NUP214: variants seen among roughly 807,000 people sequenced by gnomAD.
NUP214 encodes the protein nuclear pore complex protein Nup214.
NUP214 carries 79 observed loss-of-function variants against 196.2 expected under a neutral mutation model. The observed-to-expected ratio is 0.40, with a 90% CI of 0.34 to 0.49. The LOEUF (loss-of-function observed/expected upper bound fraction) is 0.49. NUP214 is among the 20% of genes least tolerant of loss of function. The pLI, the probability that NUP214 is intolerant of heterozygous loss-of-function variation, is 0.58. For synonymous variants in NUP214, 1,020 were observed against 990.5 expected (o/e 1.03, Z -0.56); for missense variants, 2,468 against 2,539.0 (o/e 0.97, Z 0.60).
chr9:131,192,293 G>A lies in NUP214; in HGVS notation c.3659+1G>A. 1.3e-6 allele frequency: 2 copies of A among 1,583,374 alleles called. No homozygotes were observed. Among genetic ancestry groups the A allele is most frequent in the East Asian group, 2.3e-5 (1 of 43,972 alleles). On this transcript the variant is annotated splice_donor_variant, in intron 27 of 35. Transcript: ENST00000359428. LOFTEE classifies it high-confidence loss of function. ...AGCCTTTCTCATTTTCTCCATCAGG[G>A]TCAGTAATGAACTTAAGTTTTATGG...
intron 23 of NUP214, 124 bp downstream of exon 23, chr9:131,175,745 G>A: frequency 7.4e-7 from 1 of 1,343,036 alleles, no homozygotes; most frequent in South Asian, 1.6e-5. Flanking sequence ...GAAGATTGAT[G>A]TGACAGCCCT....
chr9:131,163,804 G>A, intron 19 of NUP214, 66 bp from the exon 20 acceptor site: 2 of 1,131,608 alleles, frequency 1.8e-6, no homozygotes, highest in Non-Finnish European at 2.7e-6. Flanking sequence ...AGAGGATAGT[G>A]TACCCCCGAC....
intron 12 of NUP214, among the ~76,000 whole-genome samples, chr9:131,145,402 A>G (rs1485373622): frequency 2.0e-5 from 3 of 152,136 alleles, no homozygotes; most frequent in Non-Finnish European, 2.9e-5. Context: ...GATAACCATG[A>G]GTTCCCAAGA....
chr9:131,189,216 C>G (rs983205256), intron 26 of NUP214, 85 bp downstream of exon 26: 9 of 1,089,800 alleles, frequency 8.3e-6, no homozygotes, highest in Non-Finnish European at 1.3e-5. Flanking sequence ...AGACAGTTGC[C>G]ATAGGAAACA....
At position 131,159,432 on chromosome 9, in the gene NUP214, A is replaced by T. The variant is rs202147449; in HGVS notation, c.2486A>T (p.Asn829Ile). 1.9e-6 allele frequency: 3 copies of T among 1,614,204 alleles called. No individual in the cohort carries two copies. The highest frequency in any genetic ancestry group is 1.7e-6 in the Non-Finnish European group (2 of 1,180,034). ...GTGAAATTTGCTGTCCAAGATGTGA[A>T]TGATGTTCTAGACTTGGAGTGGGAT... Reference protein sequence around the residue: ...QYVKFAVQDVNDVLDLEWDQH... With the variant: ...QYVKFAVQDVIDVLDLEWDQH... Residue 829 changes from asparagine (N) to isoleucine (I), a missense_variant, in exon 18 of 36, where the codon AAT becomes ATT. Asn to Ile is a moderately radical substitution (Grantham distance 149, BLOSUM62 -3). This residue lies in a region of NUP214 where 1,801 missense variants were observed against 1,779.4 expected (regional missense o/e 1.01). Coordinates refer to ENST00000359428, the MANE Select transcript of NUP214 (RefSeq NM_005085.4).
chr9:131,183,924 C>G (rs1771126140), intron 24 of NUP214, among the ~76,000 whole-genome samples: 1 of 151,374 alleles, frequency 6.6e-6, no homozygotes, highest in Non-Finnish European at 1.5e-5. Context: ...AAATTTGTAA[C>G]CTTTTCAGCT....
rs533633124 is a variant in NUP214, at chr9:131,130,921, C to T, written c.663+85C>T. ...TTTGGGAGTATCTTTCTTGTTTTTCCTATTAAAAAGTAATTTATACTCATT... is the reference window on the plus strand; with the variant it reads ...TTTGGGAGTATCTTTCTTGTTTTTCTTATTAAAAAGTAATTTATACTCATT... On this transcript the variant is annotated intron_variant, in intron 5 of 35. Transcript: ENST00000359428. 2.8e-4 allele frequency: 302 copies of T among 1,083,192 alleles called. 1 individual carries two copies. Among genetic ancestry groups the T allele is most frequent in the Non-Finnish European group, 3.3e-4 (236 of 722,658 alleles). The allele number at this position is 1,083,192 out of a possible 1,614,324, so 67.1% of individuals were successfully genotyped here.
At position 131,230,787 on chromosome 9, in the gene NUP214, C is replaced by T. The variant is rs1198430654; in HGVS notation, c.6214+18C>T. Reference sequence around the variant, plus strand: ...CACAGGAGGTAAGCTGCCACAAGTTCTCCCCTCACAAGCAAAATGGGTCCC... The same window carrying T: ...CACAGGAGGTAAGCTGCCACAAGTTTTCCCCTCACAAGCAAAATGGGTCCC... On this transcript the variant is annotated intron_variant, in intron 34 of 35. Transcript: ENST00000359428. 1 of 1,609,496 alleles carries T rather than the reference C, an allele frequency of 6.2e-7. No individual in the cohort carries two copies. Among genetic ancestry groups the T allele is most frequent in the East Asian group, 2.2e-5 (1 of 44,828 alleles).
chr9:131,132,482 C>A, intron 5 of NUP214, 114 bp from the exon 6 acceptor site: 1 of 885,710 alleles, frequency 1.1e-6, no homozygotes, highest in Non-Finnish European at 1.8e-6. Context: ...TCAGTCTCTC[C>A]CGGCCAAGGA....
chr9:131,169,119 G>A (rs1459781634), intron 21 of NUP214, among the ~76,000 whole-genome samples: 2 of 140,178 alleles, frequency 1.4e-5, no homozygotes, highest in Non-Finnish European at 3.0e-5. Flanking sequence ...TGCAACCTCT[G>A]CCTCCTGGGT....
chr9:131,205,464 G>A (rs1331391322), intron 30 of NUP214, among the ~76,000 whole-genome samples: 1 of 152,044 alleles, frequency 6.6e-6, no homozygotes, highest in Non-Finnish European at 1.5e-5. Flanking sequence ...ATCCCTCTTG[G>A]CCCAGCAAAT....
At chr9:131,213,022 T>A (rs1209313733) in intron 30 of NUP214, among the ~76,000 whole-genome samples, 2 of 152,224 alleles carry the variant, frequency 1.3e-5, no homozygotes, top group Non-Finnish European at 2.9e-5. Flanking sequence ...CATAATTTTA[T>A]GTTTTAAAGC....
In NUP214 at chr9:131,129,609, G is replaced by A. The variant is rs532224218; in HGVS notation, c.592+132G>A. On this transcript the variant is annotated intron_variant, in intron 4 of 35. Coordinates refer to ENST00000359428, the MANE Select transcript of NUP214 (RefSeq NM_005085.4). ...TTCATGACGAGGGAGGTTAAGGATGGAAGGTATTCTTTTTTGAGACAGTCT... is the reference window on the plus strand; with the variant it reads ...TTCATGACGAGGGAGGTTAAGGATGAAAGGTATTCTTTTTTGAGACAGTCT... 9.4e-6 allele frequency: 8 copies of A among 847,514 alleles called. No individual in the cohort carries two copies. In the East Asian group the frequency reaches 2.0e-4, roughly 21 times the overall value. 52.5% of individuals were successfully genotyped at this position (847,514 alleles called of 1,614,324 possible).
Position 131,127,700 on chromosome 9 carries a change from A to C in NUP214, c.222A>C (p.Gly74=). The change falls in exon 2 of 36, where the codon GGA becomes GGC. Residue 74 remains glycine (G), a synonymous_variant. Transcript: ENST00000359428. Reference sequence around the variant, plus strand: ...ATCTTCTTATTCAAAATAAACCCGGAGATGATCCCAACAAAATAGGTAAGT... The same window carrying C: ...ATCTTCTTATTCAAAATAAACCCGGCGATGATCCCAACAAAATAGGTAAGT... ...TKNLLIQNKP[G]DDPNKIVDKV... 1 of 1,613,738 alleles carries C rather than the reference A, an allele frequency of 6.2e-7. No individual in the cohort carries two copies.
At chr9:131,138,706 A>G (rs1189746173) in intron 9 of NUP214, among the ~76,000 whole-genome samples, 2 of 152,262 alleles carry the variant, frequency 1.3e-5, no homozygotes, top group Admixed American at 1.3e-4. Flanking sequence ...TAGTTTCTCA[A>G]GGAATCTGGG....
Position 131,197,666 on chromosome 9 carries a change from C to G in NUP214, c.4172C>G (p.Ser1391Cys), listed in dbSNP as rs758891564. ...GKHTEPPVTS[S>C]ATTTSVAPPA... is the part of the protein sequence containing the mutation. Reference sequence around the variant, plus strand: ...CACACGGAGCCCCCTGTGACATCCTCTGCAACCACCACCTCAGTAGCACCA... The same window carrying G: ...CACACGGAGCCCCCTGTGACATCCTGTGCAACCACCACCTCAGTAGCACCA... Residue 1391 changes from serine (S) to cysteine (C), a missense_variant, in exon 29 of 36, where the codon TCT (serine) becomes TGT (cysteine). By Grantham distance (112) the Ser-to-Cys change is moderately radical (BLOSUM62 -1). Transcript: ENST00000359428. 3.7e-6 allele frequency: 6 copies of G among 1,614,228 alleles called. No homozygotes were observed. Among genetic ancestry groups the G allele is most frequent in the Non-Finnish European group, 5.1e-6 (6 of 1,180,034 alleles).
intron 32 of NUP214, among the ~76,000 whole-genome samples, chr9:131,223,717 TTA>T: frequency 5.6e-5 from 1 of 17,716 alleles, no homozygotes; most frequent in Non-Finnish European, 1.6e-4. Flanking sequence ...TTATTTTTAT[TTA>T]TTTATTTATT....
At position 131,162,947 on chromosome 9, in the gene NUP214, C is replaced by G. The variant is rs1233236762; in HGVS notation, c.2541-44C>G. Reference sequence around the variant, plus strand: ...GTTTTTTTACTGGGAGATTCCTTTACTTGAACCATTCATGTTTAATTCTTT... The same window carrying G: ...GTTTTTTTACTGGGAGATTCCTTTAGTTGAACCATTCATGTTTAATTCTTT... On this transcript the variant is annotated intron_variant, in intron 18 of 35. Coordinates refer to ENST00000359428, the MANE Select transcript of NUP214 (RefSeq NM_005085.4). 4 of 1,595,204 alleles carry G rather than the reference C, an allele frequency of 2.5e-6. No individual in the cohort carries two copies. The East Asian group carries it at 8.9e-5, about 36-fold the overall frequency.
Position 131,164,052 on chromosome 9 carries a change from T to G in NUP214, c.2810-9T>G. 1 of 1,614,164 alleles carries G rather than the reference T, an allele frequency of 6.2e-7. No homozygotes were observed. The highest frequency in any genetic ancestry group is 2.2e-5 in the East Asian group (1 of 44,884). ...CTTAATCATTTATGGGTTTATGGAT[T>G]TCTTGCAGCCAAACTGTCCCCCATG... On this transcript the variant is annotated splice_polypyrimidine_tract_variant and intron_variant, in intron 20 of 35. Coordinates refer to ENST00000359428, the MANE Select transcript of NUP214 (RefSeq NM_005085.4).
Sources: allele counts gnomAD v4.1 joint callset (sites outside exome capture counted in the v4.1 genomes callset), GRCh38; gene constraint gnomAD v4.1.1; regional missense constraint gnomAD v4.1.1; transcripts MANE v1.5; gene names NCBI Gene and HGNC (gene_info 2026-07-23, HGNC 2026-07-21).